DOCK10: variants seen among roughly 807,000 people sequenced by gnomAD.
DOCK10 encodes the protein dedicator of cytokinesis 10, also known as dedicator of cytokinesis protein 10.
DOCK10 carries 145 observed loss-of-function variants against 280.1 expected under a neutral mutation model. That is an observed-to-expected ratio of 0.52 (90% CI 0.45 to 0.59). The LOEUF (loss-of-function observed/expected upper bound fraction) is 0.59, where lower values mean the gene tolerates loss of function less well. Ranked by LOEUF, DOCK10 falls within the 20% of genes least tolerant of loss-of-function variation. The pLI is 0.00. For synonymous variants in DOCK10, 915 were observed against 942.2 expected, an observed-to-expected ratio of 0.97 and a Z score of 0.53; for missense variants, 2,368 against 2,651.7, an observed-to-expected ratio of 0.89 and a Z score of 2.35.
intron 1 of DOCK10, among the ~76,000 whole-genome samples, chr2:224,963,224 C>T (rs978671539): frequency 7.2e-5 from 11 of 152,294 alleles, no homozygotes; most frequent in Middle Eastern, 3.4e-3. Context: ...AAGGGTTTCA[C>T]GTTTAAGACC....
At chr2:224,791,916 A>G (rs565387518) in intron 47 of DOCK10, among the ~76,000 whole-genome samples, 1 of 152,244 alleles carries the variant, frequency 6.6e-6, no homozygotes, top group Non-Finnish European at 1.5e-5. Context: ...GATTTTCAAC[A>G]TCTAAAAATG....
intron 2 of DOCK10, among the ~76,000 whole-genome samples, chr2:224,929,753 G>A (rs1030503095): frequency 1.3e-5 from 2 of 152,194 alleles, no homozygotes; most frequent in Non-Finnish European, 2.9e-5. Context: ...ATGAGCATGG[G>A]AAGATGCCAA....
chr2:224,808,710 C>T (rs1038979658), intron 31 of DOCK10, among the ~76,000 whole-genome samples: 1 of 152,084 alleles, frequency 6.6e-6, no homozygotes, highest in African/African-American at 2.4e-5. Context: ...CATCTAGGTC[C>T]CTCTCCATTT....
At chr2:224,987,229 G>C (rs1361271016) in intron 1 of DOCK10, among the ~76,000 whole-genome samples, 1 of 152,202 alleles carries the variant, frequency 6.6e-6, no homozygotes, top group Non-Finnish European at 1.5e-5. Context: ...GAATTTTTGA[G>C]CATCTCTGAA....
chr2:224,770,707 G>A lies in DOCK10; in HGVS notation c.6205-62C>T. 1 of 1,223,106 alleles carries A rather than the reference G, an allele frequency of 8.2e-7. No individual in the cohort carries two copies. The highest frequency in any genetic ancestry group is 1.2e-6 in the Non-Finnish European group (1 of 827,236). 75.8% of individuals were successfully genotyped at this position (1,223,106 alleles called of 1,614,324 possible). On this transcript the variant is annotated intron_variant, in intron 53 of 55. Coordinates refer to ENST00000258390, the MANE Select transcript of DOCK10 (RefSeq NM_014689.3). The surrounding 1 kb of genome is among the most constrained non-coding windows in gnomAD (Gnocchi z 4.5). ...TCTGCATGGAGTCTTTTCCACCGCT[G>A]GAAGAGGAGCAACTGTGCACCAATG...
chr2:224,860,893 T>C (rs1455071511), intron 14 of DOCK10: 1 of 152,190 alleles, frequency 6.6e-6, no homozygotes, highest in Non-Finnish European at 1.5e-5. Context: ...AGTTAGGATA[T>C]TTTGAGCTCA....
In DOCK10 at chr2:224,909,148, C is replaced by T. The variant is rs530978925; in HGVS notation, c.333+7547G>A. Among the ~76,000 whole-genome samples, 180 of 152,226 alleles carry T rather than the reference C, an allele frequency of 1.2e-3. 1 individual carries two copies. In the Middle Eastern group the frequency reaches 0.024, roughly 20 times the overall value. On this transcript the variant is annotated intron_variant, in intron 3 of 55. Coordinates refer to ENST00000258390, the MANE Select transcript of DOCK10 (RefSeq NM_014689.3). ...GCTTTCTTCCAACTTTATATGATCC[C>T]TTTGTGTATATTAAAATAAAAGCTT...
At chr2:224,905,844 T>C (rs920386261) in intron 3 of DOCK10, among the ~76,000 whole-genome samples, 1 of 152,156 alleles carries the variant, frequency 6.6e-6, no homozygotes, top group African/African-American at 2.4e-5. Flanking sequence ...TGCCTGCCCC[T>C]TAGTGAGAGT....
At chr2:224,773,045 T>A in intron 53 of DOCK10, 112 bp downstream of exon 53, 1 of 1,012,344 alleles carries the variant, frequency 9.9e-7, no homozygotes, top group Non-Finnish European at 1.4e-6. Context: ...GGTGTTCTAT[T>A]CTCACAAAAG....
chr2:225,033,836 C>T, intron 1 of DOCK10, among the ~76,000 whole-genome samples: 1 of 152,134 alleles, frequency 6.6e-6, no homozygotes, highest in Non-Finnish European at 1.5e-5. Flanking sequence ...CCCAACCACG[C>T]CCCCCAACCT....
At chr2:224,774,842 GC>G in intron 52 of DOCK10, 62 bp downstream of exon 52, 1 of 1,435,170 alleles carries the variant, frequency 7.0e-7, no homozygotes, top group East Asian at 2.5e-5. Context: ...TACTGATCCA[GC>G]CCTATAAAGG....
chr2:224,887,376 C>T (rs1242373563), intron 4 of DOCK10, among the ~76,000 whole-genome samples: 1 of 152,148 alleles, frequency 6.6e-6, no homozygotes, highest in Non-Finnish European at 1.5e-5. Flanking sequence ...GGACTGGTAG[C>T]AATTACACTT....
intron 1 of DOCK10, among the ~76,000 whole-genome samples, chr2:225,013,080 T>C (rs184317318): frequency 3.3e-5 from 5 of 152,310 alleles, no homozygotes; most frequent in East Asian, 3.9e-4. Context: ...CTTTTCTTAG[T>C]ATTCATTTTC....
intron 48 of DOCK10, 84 bp from the exon 49 acceptor site, chr2:224,787,481 T>C (rs1231253532): frequency 3.0e-5 from 47 of 1,545,700 alleles, no homozygotes; most frequent in Non-Finnish European, 3.8e-5. Context: ...GCTGTTGCAT[T>C]GTCAAACTTT....
chr2:224,937,047 G>A (rs1369277943), intron 1 of DOCK10, among the ~76,000 whole-genome samples: 1 of 152,200 alleles, frequency 6.6e-6, no homozygotes, highest in East Asian at 1.9e-4. Flanking sequence ...TTATATATGT[G>A]GTTCTAGAAG....
chr2:224,804,250 G>GT (rs1168516505), intron 38 of DOCK10, 37 bp from the exon 39 acceptor site: 1 of 1,278,418 alleles, frequency 7.8e-7, no homozygotes, highest in Admixed American at 1.9e-5. Flanking sequence ...ATAGCTCAGT[G>GT]TTTGTAATTT....
At chr2:224,925,243 T>A (rs1363653745) in intron 2 of DOCK10, among the ~76,000 whole-genome samples, 2 of 152,054 alleles carry the variant, frequency 1.3e-5, no homozygotes, top group Admixed American at 1.3e-4. Context: ...CATATTCAAA[T>A]CTTTCTGCTT....
chr2:224,982,761 C>A (rs913879110), intron 1 of DOCK10, among the ~76,000 whole-genome samples: 1 of 151,854 alleles, frequency 6.6e-6, no homozygotes, highest in East Asian at 1.9e-4. Flanking sequence ...TTTACACTCA[C>A]AATTTTTCCT....
chr2:224,790,601 C>T (rs1286326325), intron 47 of DOCK10, among the ~76,000 whole-genome samples: 1 of 151,982 alleles, frequency 6.6e-6, no homozygotes, highest in Non-Finnish European at 1.5e-5. Flanking sequence ...CAATCTAATC[C>T]TTGCTTCTAA....
Sources: allele counts gnomAD v4.1 joint callset (sites outside exome capture counted in the v4.1 genomes callset), GRCh38; gene constraint gnomAD v4.1.1; non-coding constraint Gnocchi (gnomAD v3.1); transcripts MANE v1.5; gene names NCBI Gene and HGNC (gene_info 2026-07-23, HGNC 2026-07-21).